Variants in LGR5 observed in about 807,000 individuals in gnomAD.
LGR5 encodes leucine-rich repeat-containing G protein-coupled receptor 5.
In LGR5, 54 loss-of-function variants were observed where a neutral mutation model predicts 76.7. The observed-to-expected ratio is 0.70, with a 90% CI of 0.57 to 0.88. The LOEUF is 0.88. LGR5 is among the 40% of genes least tolerant of loss of function. The probability of loss-of-function intolerance (pLI) is 0.00; values close to 1 mark genes in which losing one functional copy is unlikely to be tolerated. For missense variants in LGR5, 1,078 were observed against 1,073.3 expected (o/e 1.00, Z -0.06); for synonymous variants, 406 against 421.9 (o/e 0.96, Z 0.46).
chr12:71,452,538 G>A (rs1872292598), intron 1 of LGR5, among the ~76,000 whole-genome samples: 1 of 152,222 alleles, frequency 6.6e-6, no homozygotes, highest in Non-Finnish European at 1.5e-5. Context: ...ATCTTATAAT[G>A]TGATGACAGA....
At chr12:71,527,595 ATATT>A (rs1876081218) in intron 3 of LGR5, among the ~76,000 whole-genome samples, 1 of 152,222 alleles carries the variant, frequency 6.6e-6, no homozygotes, top group East Asian at 1.9e-4. Context: ...ATAATACAAA[ATATT>A]TATAAAGCAA....
chr12:71,463,749 A>G (rs1872760016), intron 1 of LGR5, among the ~76,000 whole-genome samples: 1 of 152,178 alleles, frequency 6.6e-6, no homozygotes, highest in African/African-American at 2.4e-5. Context: ...GTATCTCTGC[A>G]ACAAACAGCT....
rs118127674 is a variant in LGR5, at chr12:71,472,038, A to G, written c.212+31746A>G. Among the ~76,000 whole-genome samples the G allele has an allele frequency of 1.6e-3, 248 of 152,286 alleles. 3 individuals are homozygous for G. In the East Asian group the frequency reaches 0.025, roughly 15 times the overall value. On this transcript the variant is annotated intron_variant, in intron 1 of 17. Transcript: ENST00000266674. ...GGCGGTGAGGGATAAAAGACGACAC[A>G]TTGGGTACAGTGTTCACTGCTTGGG...
chr12:71,549,497 T>C (rs1332227534), intron 4 of LGR5, among the ~76,000 whole-genome samples: 1 of 152,220 alleles, frequency 6.6e-6, no homozygotes, highest in East Asian at 1.9e-4. Flanking sequence ...GATATGTTAA[T>C]TAGCTTGATT....
At chr12:71,534,170 G>GAA (rs63084161) in intron 3 of LGR5, among the ~76,000 whole-genome samples, 8 of 152,124 alleles carry the variant, frequency 5.3e-5, no homozygotes, top group East Asian at 1.9e-4. Context: ...AATACTGGGA[G>GAA]AAAAAAAATG....
At chr12:71,483,243 C>G (rs1025417653) in intron 1 of LGR5, among the ~76,000 whole-genome samples, 2 of 152,154 alleles carry the variant, frequency 1.3e-5, no homozygotes, top group African/African-American at 2.4e-5. Context: ...GTGGGAAACT[C>G]AGGATTCCAA....
intron 8 of LGR5, among the ~76,000 whole-genome samples, chr12:71,562,712 A>C (rs1878122152): frequency 1.3e-5 from 2 of 152,200 alleles, no homozygotes. Context: ...CAGATTTGGG[A>C]CACCATCAAA....
At chr12:71,444,633 A>G (rs1363872597) in intron 1 of LGR5, among the ~76,000 whole-genome samples, 1 of 152,168 alleles carries the variant, frequency 6.6e-6, no homozygotes, top group Non-Finnish European at 1.5e-5. Flanking sequence ...GGTAGCAATC[A>G]TAAATGAGTT....
intron 1 of LGR5, among the ~76,000 whole-genome samples, chr12:71,490,352 G>A (rs1169500758): frequency 6.6e-6 from 1 of 152,066 alleles, no homozygotes; most frequent in Non-Finnish European, 1.5e-5. Context: ...TATTAATTCA[G>A]GACTATCTAA....
chr12:71,549,230 T>C (rs1877354035), intron 4 of LGR5, among the ~76,000 whole-genome samples: 1 of 152,166 alleles, frequency 6.6e-6, no homozygotes, highest in South Asian at 2.1e-4. Flanking sequence ...CTTGGGGTCT[T>C]CTGTTAAGAG....
chr12:71,582,576 C>A, intron 17 of LGR5, 37 bp downstream of exon 17: 2 of 1,431,040 alleles, frequency 1.4e-6, no homozygotes, highest in Non-Finnish European at 2.0e-6. Flanking sequence ...ACGGCAGTAT[C>A]CACCACTGAT....
At chr12:71,519,269 A>T (rs955268752) in intron 2 of LGR5, among the ~76,000 whole-genome samples, 5 of 151,964 alleles carry the variant, frequency 3.3e-5, no homozygotes, top group Non-Finnish European at 5.9e-5. Context: ...TGAAATGCCT[A>T]CTCAGCAGAG....
intron 4 of LGR5, among the ~76,000 whole-genome samples, chr12:71,538,232 G>T (rs1876699446): frequency 6.6e-6 from 1 of 152,158 alleles, no homozygotes; most frequent in Admixed American, 6.5e-5. Context: ...AGAATCTCTG[G>T]CCAGGTATGG....
intron 1 of LGR5, among the ~76,000 whole-genome samples, chr12:71,460,582 G>A (rs1243820033): frequency 1.3e-5 from 2 of 152,068 alleles, no homozygotes; most frequent in African/African-American, 4.8e-5. Flanking sequence ...TTTAGTGAAT[G>A]CATCCCCCTG....
intron 16 of LGR5, 58 bp downstream of exon 16, chr12:71,580,481 A>G: frequency 1.3e-6 from 2 of 1,531,096 alleles, no homozygotes; most frequent in Non-Finnish European, 1.8e-6. Flanking sequence ...AACACATGGA[A>G]ATGAATTATG....
chr12:71,445,515 A>T (rs774478933), intron 1 of LGR5, among the ~76,000 whole-genome samples: 1 of 152,196 alleles, frequency 6.6e-6, no homozygotes, highest in African/African-American at 2.4e-5. Flanking sequence ...AATTTCACCT[A>T]TGGAACTCTA....
chr12:71,470,298 G>A (rs1873042811), intron 1 of LGR5, among the ~76,000 whole-genome samples: 1 of 152,170 alleles, frequency 6.6e-6, no homozygotes, highest in African/African-American at 2.4e-5. Context: ...ATCAAAGGGA[G>A]AACAGGCTTC....
rs114374965 is a variant in LGR5, at chr12:71,475,593, C to T, written c.213-29021C>T. Among the ~76,000 whole-genome samples, 203 of 152,310 alleles carry T rather than the reference C, an allele frequency of 1.3e-3. No homozygotes were observed. The Middle Eastern group carries it at 0.014, about 10-fold the overall frequency. ...AACAGCCTGCTCTCTTATGCTGCGACGCTCTTGTACATGCTGTTCTCCTAC... is the reference window on the plus strand; with the variant it reads ...AACAGCCTGCTCTCTTATGCTGCGATGCTCTTGTACATGCTGTTCTCCTAC... On this transcript the variant is annotated intron_variant, in intron 1 of 17. Transcript: ENST00000266674.
intron 3 of LGR5, among the ~76,000 whole-genome samples, chr12:71,529,089 C>T (rs754322315): frequency 1.5e-4 from 23 of 152,286 alleles, no homozygotes; most frequent in Admixed American, 3.3e-4. Flanking sequence ...TCCACTATGA[C>T]GTTTGTAATT....
Sources: gnomAD v4.1 joint callset for allele counts (sites outside exome capture counted in the v4.1 genomes callset) on GRCh38, gnomAD v4.1.1 for gene constraint, MANE v1.5 for transcripts, NCBI Gene and HGNC (gene_info 2026-07-23, HGNC 2026-07-21) for gene names.